Variants in BICD1 observed in about 807,000 individuals in gnomAD.
BICD1 encodes BICD cargo adaptor 1, also known as protein bicaudal D homolog 1.
BICD1 carries 35 observed loss-of-function variants against 92.5 expected under a neutral mutation model. That is an observed-to-expected ratio of 0.38 (90% CI 0.29 to 0.50). The LOEUF is 0.50. BICD1 is among the 20% of genes least tolerant of loss of function. The pLI, the probability that BICD1 is intolerant of heterozygous loss-of-function variation, is 0.93. For synonymous variants in BICD1, 429 were observed against 465.1 expected, an observed-to-expected ratio of 0.92 and a Z score of 1.00; for missense variants, 950 against 1,189.8, an observed-to-expected ratio of 0.80 and a Z score of 2.97.
In BICD1 at chr12:32,342,153, T is replaced by TGTGTATATATATGC. The variant is rs1938394808; in HGVS notation, c.2764+3187_2764+3188insCGTGTATATATATG. ...ATATATATATGTGTGTATATATATG[T>TGTGTATATATATGC]GTGTATATATATGTATATATATATG... On this transcript the variant is annotated intron_variant, in intron 8 of 9. Transcript: ENST00000652176. Among the ~76,000 whole-genome samples the TGTGTATATATATGC allele has an allele frequency of 2.3e-4, 34 of 146,466 alleles. No homozygotes were observed. In the South Asian group the frequency reaches 7.4e-3, roughly 32 times the overall value.
At chr12:32,168,910 C>T (rs868005210) in intron 1 of BICD1, among the ~76,000 whole-genome samples, 4 of 152,054 alleles carry the variant, frequency 2.6e-5, no homozygotes, top group Non-Finnish European at 5.9e-5. Flanking sequence ...TGCATTGAGC[C>T]GAGATCGCGC....
intron 3 of BICD1, among the ~76,000 whole-genome samples, chr12:32,300,942 C>T (rs1302881593): frequency 2.6e-5 from 4 of 152,090 alleles, no homozygotes; most frequent in African/African-American, 4.8e-5. Flanking sequence ...CGAGTCACTG[C>T]GCCCGGCCCA....
chr12:32,274,815 C>T (rs1047290368), intron 2 of BICD1, among the ~76,000 whole-genome samples: 1 of 152,062 alleles, frequency 6.6e-6, no homozygotes, highest in Admixed American at 6.5e-5. Context: ...CTCCTGATAC[C>T]ACTTATTTTA....
At chr12:32,327,416 G>C (rs1485365834) in intron 4 of BICD1, 45 bp from the exon 5 acceptor site, 1 of 1,541,872 alleles carries the variant, frequency 6.5e-7, no homozygotes, top group African/African-American at 1.4e-5. Context: ...GTTCATCATT[G>C]GTGCTGCCTT....
At chr12:32,220,314 A>G (rs1178063347) in intron 2 of BICD1, among the ~76,000 whole-genome samples, 15 of 152,164 alleles carry the variant, frequency 9.9e-5, no homozygotes, top group East Asian at 1.9e-4. Flanking sequence ...GCAATCTACA[A>G]AATGGGAGAA....
At chr12:32,238,000 C>T (rs1220951259) in intron 2 of BICD1, among the ~76,000 whole-genome samples, 1 of 152,188 alleles carries the variant, frequency 6.6e-6, no homozygotes, top group Non-Finnish European at 1.5e-5. Context: ...TGAAAACCTT[C>T]TGGAAAGGAT....
intron 3 of BICD1, among the ~76,000 whole-genome samples, chr12:32,301,925 C>T (rs1005043223): frequency 2.6e-5 from 4 of 152,084 alleles, no homozygotes; most frequent in Non-Finnish European, 5.9e-5. Flanking sequence ...CTTGCTCTGT[C>T]GCCCAGGCTG....
chr12:32,362,364 GA>G lies in BICD1; in HGVS notation c.2765-5297del, dbSNP rs951080436. ...AACAAGAGCGAAACTCTGTCTCAAA[GA>G]AAAAAAAAGAAAATTGGTTAGTTTT... On this transcript the variant is annotated intron_variant, in intron 8 of 9. Coordinates refer to ENST00000652176, the MANE Select transcript of BICD1 (RefSeq NM_001714.4). 9.3e-5 allele frequency among the ~76,000 whole-genome samples: 14 copies of G among 149,928 alleles called. No homozygotes were observed. The East Asian group carries it at 1.6e-3, about 17-fold the overall frequency.
chr12:32,217,195 T>C (rs1945385558), intron 2 of BICD1, among the ~76,000 whole-genome samples: 3 of 152,310 alleles, frequency 2.0e-5, no homozygotes, highest in Admixed American at 6.5e-5. Flanking sequence ...TATTCAATCA[T>C]TCACTCCGTA....
intron 1 of BICD1, among the ~76,000 whole-genome samples, chr12:32,213,736 T>C (rs1333324693): frequency 1.3e-5 from 2 of 152,220 alleles, no homozygotes; most frequent in East Asian, 3.8e-4. Flanking sequence ...GATGTCAGTA[T>C]GTCTCATTGC....
intron 2 of BICD1, among the ~76,000 whole-genome samples, chr12:32,292,569 A>G (rs1947753829): frequency 6.6e-6 from 1 of 152,168 alleles, no homozygotes; most frequent in Admixed American, 6.6e-5. Context: ...ATTTCAGTCA[A>G]TATATTAGTG....
At chr12:32,118,409 C>G (rs894664422) in intron 1 of BICD1, among the ~76,000 whole-genome samples, 1 of 152,204 alleles carries the variant, frequency 6.6e-6, no homozygotes, top group Admixed American at 6.5e-5. Context: ...TCTGCATCGT[C>G]AACTAGTCAG....
rs574207691 is a variant in BICD1 at position 32,263,705 on chromosome 12, T to C, written c.427-30289T>C. On this transcript the variant is annotated intron_variant, in intron 2 of 9. Coordinates refer to ENST00000652176, the MANE Select transcript of BICD1 (RefSeq NM_001714.4). Reference sequence around the variant, plus strand: ...TCCAAAAGTTCATTCATAAGTAAATTGAGACTCAGAATGCATATTTTTCCT... The same window carrying C: ...TCCAAAAGTTCATTCATAAGTAAATCGAGACTCAGAATGCATATTTTTCCT... Among the ~76,000 whole-genome samples the C allele has an allele frequency of 4.6e-5, 7 of 152,304 alleles. No homozygotes were observed. In the South Asian group the frequency reaches 1.4e-3, roughly 32 times the overall value.
At chr12:32,240,656 G>A (rs1265053318) in intron 2 of BICD1, among the ~76,000 whole-genome samples, 1 of 152,136 alleles carries the variant, frequency 6.6e-6, no homozygotes, top group Non-Finnish European at 1.5e-5. Flanking sequence ...ACCATATAAG[G>A]TAAGAGTCAC....
chr12:32,176,705 G>T (rs1050652735), intron 1 of BICD1, among the ~76,000 whole-genome samples: 1 of 151,942 alleles, frequency 6.6e-6, no homozygotes, highest in Non-Finnish European at 1.5e-5. Context: ...TCATCGTAAG[G>T]GTTTCGAGTT....
At chr12:32,264,258 A>T (rs1254899966) in intron 2 of BICD1, among the ~76,000 whole-genome samples, 1 of 152,206 alleles carries the variant, frequency 6.6e-6, no homozygotes, top group Non-Finnish European at 1.5e-5. Flanking sequence ...TCTTAAGTAT[A>T]TCTCCTCAAC....
intron 5 of BICD1, chr12:32,333,335 G>A: frequency 1.1e-6 from 1 of 916,468 alleles, no homozygotes; most frequent in East Asian, 1.2e-4. Context: ...TATGAGTAAA[G>A]TCTCATTTTA....
intron 1 of BICD1, among the ~76,000 whole-genome samples, chr12:32,135,092 A>AT (rs35641098): frequency 1.0e-4 from 13 of 129,420 alleles, no homozygotes; most frequent in African/African-American, 2.7e-4. Flanking sequence ...CCCCTCCTTT[A>AT]TTTTTTTTTT....
chr12:32,196,202 A>T (rs1346484053), intron 1 of BICD1, among the ~76,000 whole-genome samples: 1 of 152,202 alleles, frequency 6.6e-6, no homozygotes, highest in Non-Finnish European at 1.5e-5. Flanking sequence ...TGGAAATATC[A>T]ATTTGTACAG....
Sources: allele counts gnomAD v4.1 joint callset (sites outside exome capture counted in the v4.1 genomes callset), GRCh38; gene constraint gnomAD v4.1.1; transcripts MANE v1.5; gene names NCBI Gene and HGNC (gene_info 2026-07-23, HGNC 2026-07-21).